The following SGCZ variants were observed in gnomAD, a reference collection of about 807,000 sequenced individuals.
SGCZ encodes the protein zeta-sarcoglycan.
In SGCZ, 40 loss-of-function variants were observed where a neutral mutation model predicts 41.3. The observed-to-expected ratio is 0.97, with a 90% CI of 0.75 to 1.26. The LOEUF (loss-of-function observed/expected upper bound fraction) is 1.26. SGCZ is among the 50% of genes most tolerant of loss of function. The pLI, the probability that SGCZ is intolerant of heterozygous loss-of-function variation, is 0.00. For synonymous variants in SGCZ, 206 were observed against 137.5 expected (o/e 1.50, Z -3.49); for missense variants, 552 against 369.8 (o/e 1.49, Z -4.04).
At chr8:15,034,214 A>T (rs1052281180) in intron 1 of SGCZ, among the ~76,000 whole-genome samples, 7 of 152,206 alleles carry the variant, frequency 4.6e-5, no homozygotes, top group African/African-American at 1.4e-4. Context: ...GAAACAATTG[A>T]ATAAAATAAG....
intron 1 of SGCZ, among the ~76,000 whole-genome samples, chr8:14,612,485 G>A (rs1050794774): frequency 6.6e-6 from 1 of 152,132 alleles, no homozygotes; most frequent in African/African-American, 2.4e-5. Context: ...CCCAGACTCA[G>A]GGAAGTTCTT....
At chr8:14,974,724 A>G (rs1791087987) in intron 1 of SGCZ, among the ~76,000 whole-genome samples, 1 of 152,230 alleles carries the variant, frequency 6.6e-6, no homozygotes, top group African/African-American at 2.4e-5. Flanking sequence ...GAATTCTCAC[A>G]ACCACCCTAT....
intron 1 of SGCZ, among the ~76,000 whole-genome samples, chr8:15,175,793 C>A (rs1799980070): frequency 6.6e-6 from 1 of 151,986 alleles, no homozygotes; most frequent in African/African-American, 2.4e-5. Flanking sequence ...GGTTGAAACA[C>A]AGGCAGAATT....
intron 4 of SGCZ, among the ~76,000 whole-genome samples, chr8:14,190,986 C>T (rs1017045185): frequency 1.3e-5 from 2 of 152,150 alleles, no homozygotes; most frequent in Non-Finnish European, 2.9e-5. Flanking sequence ...ATTCCCTTTT[C>T]GTCACATCCT....
intron 1 of SGCZ, among the ~76,000 whole-genome samples, chr8:14,799,635 G>A (rs1309745647): frequency 6.6e-6 from 1 of 151,972 alleles, no homozygotes; most frequent in Non-Finnish European, 1.5e-5. Context: ...AAGTCCACAG[G>A]ACTTCACCTA....
intron 2 of SGCZ, among the ~76,000 whole-genome samples, chr8:14,521,127 A>G (rs1410414681): frequency 6.6e-6 from 1 of 152,162 alleles, no homozygotes; most frequent in African/African-American, 2.4e-5. Flanking sequence ...GGATACTGAC[A>G]TTGAATAGTA....
chr8:14,128,930 G>A (rs1802947998), intron 5 of SGCZ, among the ~76,000 whole-genome samples: 1 of 152,146 alleles, frequency 6.6e-6, no homozygotes, highest in African/African-American at 2.4e-5. Context: ...GACTCCAAAA[G>A]TGGACGGTGG....
At chr8:14,268,234 T>C (rs1015488064) in intron 3 of SGCZ, among the ~76,000 whole-genome samples, 3 of 149,234 alleles carry the variant, frequency 2.0e-5, no homozygotes, top group African/African-American at 7.3e-5. Flanking sequence ...TATATATGTA[T>C]AGAAATTATA....
chr8:14,350,831 T>A (rs543931537), intron 2 of SGCZ, among the ~76,000 whole-genome samples: 1 of 152,174 alleles, frequency 6.6e-6, no homozygotes, highest in Non-Finnish European at 1.5e-5. Flanking sequence ...GTGTATACCA[T>A]GAACTTGCAT....
At chr8:14,273,951 C>T (rs1053296067) in intron 3 of SGCZ, among the ~76,000 whole-genome samples, 8 of 152,132 alleles carry the variant, frequency 5.3e-5, no homozygotes, top group African/African-American at 1.9e-4. Flanking sequence ...AACATACCTA[C>T]AAATTTCCAA....
chr8:14,130,162 A>G (rs1240476220), intron 5 of SGCZ, among the ~76,000 whole-genome samples: 1 of 152,208 alleles, frequency 6.6e-6, no homozygotes, highest in African/African-American at 2.4e-5. Flanking sequence ...TTGAAATTAA[A>G]AAGAAACTCA....
At chr8:14,290,631 T>C (rs1800808146) in intron 3 of SGCZ, among the ~76,000 whole-genome samples, 1 of 152,076 alleles carries the variant, frequency 6.6e-6, no homozygotes. Flanking sequence ...AAAACTTCAA[T>C]GAGATGTCAC....
At position 14,237,653 on chromosome 8, in the gene SGCZ, G is replaced by C; in HGVS notation, c.363C>G (p.Asp121Glu). 2 of 1,613,826 alleles carry C rather than the reference G, an allele frequency of 1.2e-6. No homozygotes were observed. The highest frequency in any genetic ancestry group is 1.3e-5 in the African/African-American group (1 of 74,982). ...TTCTTGCATTCACTGTGACATTCCT[G>C]TCAGACTGTAAGACCAGCGGACTAT... is the stretch of plus-strand genomic sequence containing the variant. ...RKDSPLVLQS[D>E]RNVTVNARNH... The change falls in exon 4 of 8, where the codon GAC becomes GAG. Residue 121 changes from aspartate (D) to glutamate (E), a missense_variant. Transcript: ENST00000382080.
chr8:15,052,400 G>A (rs1869578), intron 1 of SGCZ, among the ~76,000 whole-genome samples: 77,354 of 151,982 alleles, frequency 0.51, 20,176 homozygotes, highest in Admixed American at 0.61. Context: ...GAGTGAGGGT[G>A]GTGGGTGGAC....
chr8:14,205,991 T>C (rs1377004099), intron 4 of SGCZ, among the ~76,000 whole-genome samples: 2 of 152,104 alleles, frequency 1.3e-5, no homozygotes, highest in Non-Finnish European at 1.5e-5. Context: ...CTAAAGAAGT[T>C]ACATAATTGA....
intron 1 of SGCZ, among the ~76,000 whole-genome samples, chr8:14,902,819 AG>A (rs1799010772): frequency 6.6e-6 from 1 of 152,146 alleles, no homozygotes; most frequent in African/African-American, 2.4e-5. Flanking sequence ...TATAGTGGTT[AG>A]CTAATATTTA....
At chr8:14,908,744 A>AAT (rs1491339583) in intron 1 of SGCZ, among the ~76,000 whole-genome samples, 1 of 28,106 alleles carries the variant, frequency 3.6e-5, no homozygotes, top group Non-Finnish European at 6.4e-5. Context: ...TCACCGTTGC[A>AAT]AAAAAAAAAA....
At chr8:14,161,333 T>A (rs1157692255) in intron 5 of SGCZ, 1 of 152,224 alleles carries the variant, frequency 6.6e-6, no homozygotes, top group African/African-American at 2.4e-5. Flanking sequence ...TGTTATAAAG[T>A]TAATATCTGC....
intron 1 of SGCZ, among the ~76,000 whole-genome samples, chr8:14,656,204 T>TAAAGTGTCTTTATCCAGAGAA (rs1807562867): frequency 1.2e-5 from 1 of 82,166 alleles, no homozygotes; most frequent in Admixed American, 1.4e-4. Flanking sequence ...AAAGCAGAGA[T>TAAAGTGTCTTTATCCAGAGAA]AAAGTGTCTT....
Sources: gnomAD v4.1 joint callset for allele counts (sites outside exome capture counted in the v4.1 genomes callset) on GRCh38, gnomAD v4.1.1 for gene constraint, MANE v1.5 for transcripts, NCBI Gene and HGNC (gene_info 2026-07-23, HGNC 2026-07-21) for gene names.